Variants in MRPL48 observed in about 807,000 individuals in gnomAD.
MRPL48 encodes mitochondrial ribosomal protein L48.
A neutral mutation model predicts 32.9 loss-of-function variants in MRPL48; 16 were observed. The ratio of observed to expected loss-of-function variants is 0.49; its 90% CI spans 0.33 to 0.74. The LOEUF is 0.74. Ranked by LOEUF, MRPL48 falls within the 30% of genes least tolerant of loss-of-function variation. MRPL48 has a pLI of 0.02. For missense variants in MRPL48, 206 were observed against 245.3 expected, an observed-to-expected ratio of 0.84 and a Z score of 1.07; for synonymous variants, 94 against 89.2, an observed-to-expected ratio of 1.05 and a Z score of -0.31.
At chr11:73,792,182 A>T (rs527584746) in intron 1 of MRPL48, among the ~76,000 whole-genome samples, 1 of 152,216 alleles carries the variant, frequency 6.6e-6, no homozygotes, top group Non-Finnish European at 1.5e-5. Context: ...ATTCATGCTG[A>T]TATTTATCAG....
At chr11:73,829,931 A>G (rs1283408007) in intron 4 of MRPL48, among the ~76,000 whole-genome samples, 1 of 151,530 alleles carries the variant, frequency 6.6e-6, no homozygotes. Flanking sequence ...CACCCGGCTC[A>G]TTATATTTTT....
intron 1 of MRPL48, among the ~76,000 whole-genome samples, chr11:73,798,431 G>A (rs1214186717): frequency 1.3e-5 from 2 of 152,056 alleles, no homozygotes; most frequent in African/African-American, 4.8e-5. Flanking sequence ...AGAAAACCTG[G>A]AGGCAATGAT....
At position 73,865,095 on chromosome 11, in the gene MRPL48, TTTTTA is replaced by T. The variant is rs1306347557; in HGVS notation, c.*731_*735del. On this transcript the variant is annotated 3_prime_UTR_variant, in exon 8 of 8. Transcript: ENST00000310614. ...TGTGAGCCACTGCACCCAGCCAAAC[TTTTTA>T]TTTTAATTAGCTGGACGTGGTGGTA... 1 of 152,258 alleles carries T rather than the reference TTTTTA, an allele frequency of 6.6e-6. No homozygotes were observed. The highest frequency in any genetic ancestry group is 2.4e-5 in the African/African-American group (1 of 41,420). The allele number at this position is 152,258 out of a possible 1,614,324, so 9.4% of individuals were successfully genotyped here.
intron 3 of MRPL48, among the ~76,000 whole-genome samples, chr11:73,809,150 T>A (rs907446144): frequency 1.1e-4 from 17 of 150,574 alleles, no homozygotes; most frequent in African/African-American, 3.7e-4. Context: ...ATTAAAAAAA[T>A]TTAAAAAAAA....
At chr11:73,803,977 T>C (rs1048380535) in intron 1 of MRPL48, among the ~76,000 whole-genome samples, 1 of 152,202 alleles carries the variant, frequency 6.6e-6, no homozygotes, top group Non-Finnish European at 1.5e-5. Context: ...TAGACTGCAG[T>C]GGCGAGATCT....
At chr11:73,814,414 G>T (rs1947621893) in intron 3 of MRPL48, among the ~76,000 whole-genome samples, 1 of 151,894 alleles carries the variant, frequency 6.6e-6, no homozygotes, top group Admixed American at 6.6e-5. Context: ...AAAGAGTGAG[G>T]TGGGGCACGG....
chr11:73,808,849 G>T (rs1947510797), intron 3 of MRPL48, among the ~76,000 whole-genome samples: 1 of 152,074 alleles, frequency 6.6e-6, no homozygotes, highest in Non-Finnish European at 1.5e-5. Context: ...CTTGAGCTCG[G>T]GAGGCGGAGG....
intron 3 of MRPL48, among the ~76,000 whole-genome samples, chr11:73,815,654 TAA>T (rs1256902366): frequency 6.6e-6 from 1 of 152,048 alleles, no homozygotes; most frequent in African/African-American, 2.4e-5. Flanking sequence ...ATACCCAGCC[TAA>T]GTCTAGGACT....
chr11:73,824,127 T>G (rs1194146432), intron 3 of MRPL48, among the ~76,000 whole-genome samples: 1 of 151,980 alleles, frequency 6.6e-6, no homozygotes, highest in African/African-American at 2.4e-5. Context: ...GTGCTGGGAT[T>G]ACAGCCATGA....
intron 3 of MRPL48, among the ~76,000 whole-genome samples, chr11:73,809,628 T>G: frequency 6.6e-6 from 1 of 152,236 alleles, no homozygotes; most frequent in East Asian, 1.9e-4. Flanking sequence ...TTTCTCACAC[T>G]GTTTAATCCA....
chr11:73,818,617 T>G (rs1055139680), intron 3 of MRPL48, among the ~76,000 whole-genome samples: 3 of 152,274 alleles, frequency 2.0e-5, no homozygotes, highest in Non-Finnish European at 2.9e-5. Context: ...GCATTGTTTC[T>G]GCCCTGGAGG....
intron 4 of MRPL48, among the ~76,000 whole-genome samples, chr11:73,834,979 A>G (rs1948070034): frequency 1.3e-5 from 2 of 150,298 alleles, no homozygotes; most frequent in Non-Finnish European, 3.0e-5. Context: ...CCACAGGTAC[A>G]CGCCATCACA....
At chr11:73,829,869 A>C (rs1247831626) in intron 4 of MRPL48, among the ~76,000 whole-genome samples, 2 of 151,926 alleles carry the variant, frequency 1.3e-5, no homozygotes, top group Non-Finnish European at 2.9e-5. Flanking sequence ...GGCTCAAATG[A>C]TTCTCCCTCT....
intron 5 of MRPL48, chr11:73,850,996 G>T (rs899250527): frequency 4.9e-6 from 2 of 411,816 alleles, no homozygotes; most frequent in South Asian, 3.9e-5. Flanking sequence ...AATTTTTTAT[G>T]ACTCTGTTCC....
At chr11:73,846,026 C>T (rs991443410) in intron 5 of MRPL48, among the ~76,000 whole-genome samples, 2 of 145,740 alleles carry the variant, frequency 1.4e-5, no homozygotes, top group African/African-American at 5.2e-5. Context: ...TGAGACTGTG[C>T]CACTGCACTC....
At chr11:73,790,241 T>C (rs1275754548) in intron 1 of MRPL48, among the ~76,000 whole-genome samples, 2 of 150,206 alleles carry the variant, frequency 1.3e-5, no homozygotes, top group African/African-American at 4.9e-5. Context: ...GGCTAATTTT[T>C]TGTATTTTTA....
chr11:73,813,377 TTG>T lies in MRPL48; in HGVS notation c.112+5028_112+5029del, dbSNP rs1188106255. Among the ~76,000 whole-genome samples the T allele has an allele frequency of 3.9e-5, 6 of 152,094 alleles. No individual in the cohort carries two copies. The East Asian group carries it at 9.8e-4, about 25-fold the overall frequency. On this transcript the variant is annotated intron_variant, in intron 3 of 7. Transcript: ENST00000310614. Reference sequence around the variant, plus strand: ...TTAGTAGAGACAGGGTTTCACCATGTTGGTCAGGCTGGTCTCTAACTCCTGAC... The same window carrying T: ...TTAGTAGAGACAGGGTTTCACCATGTGTCAGGCTGGTCTCTAACTCCTGAC...
chr11:73,844,416 G>A (rs556790546), intron 4 of MRPL48, among the ~76,000 whole-genome samples: 16 of 152,160 alleles, frequency 1.1e-4, no homozygotes, highest in African/African-American at 3.6e-4. Flanking sequence ...TGGGTGACAG[G>A]GTGAGACTGT....
chr11:73,790,666 G>A (rs1390745290), intron 1 of MRPL48, among the ~76,000 whole-genome samples: 1 of 151,778 alleles, frequency 6.6e-6, no homozygotes, highest in African/African-American at 2.4e-5. Flanking sequence ...TTACAGGCTT[G>A]AGCAACCGTG....
Sources: gnomAD v4.1 joint callset for allele counts (sites outside exome capture counted in the v4.1 genomes callset) on GRCh38, gnomAD v4.1.1 for gene constraint, MANE v1.5 for transcripts, NCBI Gene and HGNC (gene_info 2026-07-23, HGNC 2026-07-21) for gene names.